The following STX7 variants were observed in gnomAD, a reference collection of about 807,000 sequenced individuals.
STX7 encodes syntaxin-7.
In STX7, 34 loss-of-function variants were observed where a neutral mutation model predicts 39.6. The observed-to-expected ratio is 0.86, with a 90% CI of 0.65 to 1.14. STX7 has a LOEUF of 1.14. Ranked by LOEUF, STX7 falls within the 50% of genes most tolerant of loss-of-function variation. The pLI is 0.00. For synonymous variants in STX7, 119 were observed against 99.1 expected, an observed-to-expected ratio of 1.20 and a Z score of -1.19; for missense variants, 284 against 310.4, an observed-to-expected ratio of 0.92 and a Z score of 0.64.
intron 2 of STX7, among the ~76,000 whole-genome samples, chr6:132,497,954 A>G (rs1192708794): frequency 6.6e-6 from 1 of 152,188 alleles, no homozygotes; most frequent in African/African-American, 2.4e-5. Flanking sequence ...TGTGATAACA[A>G]ACGATTTTGT....
At chr6:132,499,522 A>C (rs1157135322) in intron 2 of STX7, among the ~76,000 whole-genome samples, 1 of 152,210 alleles carries the variant, frequency 6.6e-6, no homozygotes, top group Non-Finnish European at 1.5e-5. Context: ...CAGTTTACCA[A>C]ATCCAATTAT....
chr6:132,451,819 A>T lies in STX7; in HGVS notation c.*8939T>A, dbSNP rs922942296. ...CCTCCCCCAAAATCTCCAGGCCCAG[A>T]TGATTTCATTGGAAAGTTCTATCAA... On this transcript the variant is annotated 3_prime_UTR_variant, in exon 10 of 10. Coordinates refer to ENST00000367941, the MANE Select transcript of STX7 (RefSeq NM_003569.3). 6.6e-6 allele frequency: 1 copy of T among 152,198 alleles called. No individual in the cohort carries two copies. Among genetic ancestry groups the T allele is most frequent in the African/African-American group, 2.4e-5 (1 of 41,450 alleles). The allele number at this position is 152,198 out of a possible 1,614,324, so 9.4% of individuals were successfully genotyped here.
At chr6:132,461,252 T>TGAGTTC (rs1228562422) in intron 9 of STX7, among the ~76,000 whole-genome samples, 1 of 152,168 alleles carries the variant, frequency 6.6e-6, no homozygotes, top group Non-Finnish European at 1.5e-5. Context: ...TTCTTAAAAA[T>TGAGTTC]GAGTTCTCTG....
rs1390425169 is a variant in STX7 at position 132,455,508 on chromosome 6, G to A, written c.*5250C>T. ...CAATTCAGTTCTAGAAAACTCCCTC[G>A]TCAACAAGTAGAGGTGTTGTGCGTG... On this transcript the variant is annotated 3_prime_UTR_variant, in exon 10 of 10. Coordinates refer to ENST00000367941, the MANE Select transcript of STX7 (RefSeq NM_003569.3). 2.0e-5 allele frequency: 3 copies of A among 152,186 alleles called. No homozygotes were observed. The highest frequency in any genetic ancestry group is 1.9e-4 in the East Asian group (1 of 5,184). The allele number at this position is 152,186 out of a possible 1,614,324, so 9.4% of individuals were successfully genotyped here. A position where few individuals can be genotyped will look rare whatever the true frequency, so the allele number is the denominator to read the frequency against.
At chr6:132,476,134 T>C (rs1008294925) in intron 2 of STX7, among the ~76,000 whole-genome samples, 1 of 152,158 alleles carries the variant, frequency 6.6e-6, no homozygotes, top group Non-Finnish European at 1.5e-5. Flanking sequence ...CATCAAAAAA[T>C]GCTAAAATCA....
chr6:132,503,410 A>T (rs750832981), intron 2 of STX7, 36 bp downstream of exon 2: 1 of 1,558,702 alleles, frequency 6.4e-7, no homozygotes, highest in Non-Finnish European at 8.8e-7. Flanking sequence ...TTAAGAGTGG[A>T]TACAAATAGT....
At chr6:132,494,538 G>A (rs1775375676) in intron 2 of STX7, among the ~76,000 whole-genome samples, 1 of 152,194 alleles carries the variant, frequency 6.6e-6, no homozygotes, top group Non-Finnish European at 1.5e-5. Flanking sequence ...CTGAATGCCA[G>A]AAAGAAACCA....
Position 132,454,072 on chromosome 6 carries a change from T to G in STX7, c.*6686A>C, listed in dbSNP as rs78418213. On this transcript the variant is annotated 3_prime_UTR_variant, in exon 10 of 10. Transcript: ENST00000367941. ...AACAAACTGTGGTACATCTATACTA[T>G]GGGATTCTATTCACACTAAAAAGTA... 6.6e-6 allele frequency: 1 copy of G among 152,060 alleles called. No homozygotes were observed. The highest frequency in any genetic ancestry group is 1.5e-5 in the Non-Finnish European group (1 of 67,984). 9.4% of individuals were successfully genotyped at this position (152,060 alleles called of 1,614,324 possible).
At position 132,502,384 on chromosome 6, in the gene STX7, GC is replaced by G. The variant is rs1469944193; in HGVS notation, c.85+1061del. ...CGAAGGATGAAAGAGTTCAGGTAAT[GC>G]CCCGAGGGCCAAACCCTGAGAGCAA... On this transcript the variant is annotated intron_variant, in intron 2 of 9. Transcript: ENST00000367941. Among the ~76,000 whole-genome samples, 8 of 152,256 alleles carry G rather than the reference GC, an allele frequency of 5.3e-5. No homozygotes were observed. In the East Asian group the frequency reaches 9.7e-4, roughly 18 times the overall value.
At chr6:132,487,508 G>A (rs1775169545) in intron 2 of STX7, among the ~76,000 whole-genome samples, 1 of 152,110 alleles carries the variant, frequency 6.6e-6, no homozygotes, top group Non-Finnish European at 1.5e-5. Flanking sequence ...GAGAGCATTA[G>A]GACAAATACC....
chr6:132,483,649 T>C (rs889923742), intron 2 of STX7, among the ~76,000 whole-genome samples: 1 of 152,198 alleles, frequency 6.6e-6, no homozygotes, highest in African/African-American at 2.4e-5. Context: ...AAAAATATTG[T>C]TAGCACTCTA....
chr6:132,487,111 G>A (rs957552118), intron 2 of STX7, among the ~76,000 whole-genome samples: 3 of 152,186 alleles, frequency 2.0e-5, no homozygotes, highest in African/African-American at 7.2e-5. Context: ...GAAGATATTT[G>A]AGTCTGGTTC....
chr6:132,483,118 G>A (rs1000174429), intron 2 of STX7, among the ~76,000 whole-genome samples: 1 of 152,106 alleles, frequency 6.6e-6, no homozygotes, highest in Admixed American at 6.5e-5. Context: ...TGAATGTACT[G>A]TCATCCTTCA....
At chr6:132,473,517 G>GTTTTTTTTTTTTTTTTTTTT (rs752590497) in intron 3 of STX7, among the ~76,000 whole-genome samples, 5 of 125,784 alleles carry the variant, frequency 4.0e-5, no homozygotes, top group Admixed American at 7.9e-5. Context: ...TTATTATTGT[G>GTTTTTTTTTTTTTTTTTTTT]TTGTTTTTTT....
chr6:132,482,126 C>T (rs371114537), intron 2 of STX7, among the ~76,000 whole-genome samples: 18 of 152,082 alleles, frequency 1.2e-4, no homozygotes, highest in Non-Finnish European at 2.4e-4. Flanking sequence ...TCAAAACGTA[C>T]GTAAGAAATA....
In STX7 at chr6:132,455,530, CGT is replaced by C. The variant is rs1270270563; in HGVS notation, c.*5226_*5227del. Reference sequence around the variant, plus strand: ...CTCGTCAACAAGTAGAGGTGTTGTGCGTGTAACGACTGGACAGGAAATCTGGT... The same window carrying C: ...CTCGTCAACAAGTAGAGGTGTTGTGCGTAACGACTGGACAGGAAATCTGGT... On this transcript the variant is annotated 3_prime_UTR_variant, in exon 10 of 10. Transcript: ENST00000367941. 1.3e-5 allele frequency: 2 copies of C among 152,278 alleles called. No individual in the cohort carries two copies. The highest frequency in any genetic ancestry group is 4.8e-5 in the African/African-American group (2 of 41,554). 9.4% of individuals were successfully genotyped at this position (152,278 alleles called of 1,614,324 possible).
At chr6:132,476,200 A>G (rs990891633) in intron 2 of STX7, among the ~76,000 whole-genome samples, 2 of 152,218 alleles carry the variant, frequency 1.3e-5, no homozygotes, top group East Asian at 3.8e-4. Context: ...ATTACAAAAG[A>G]TATAACTTTA....
In STX7 at chr6:132,509,482, CA is replaced by C. The variant is rs1562343617; in HGVS notation, c.-59+3524del. Among the ~76,000 whole-genome samples, 64 of 127,998 alleles carry C rather than the reference CA, an allele frequency of 5.0e-4. 3 individuals are homozygous for C. Among genetic ancestry groups the C allele is most frequent in the Admixed American group, 7.7e-4 (10 of 12,998 alleles). The allele number at this position is 127,998 out of a possible 152,430, so 84.0% of individuals were successfully genotyped here. A position where few individuals can be genotyped will look rare whatever the true frequency, so the allele number is the denominator to read the frequency against. ...CATAACATAACATAACATAACATAA[CA>C]TAACATAACATAACATAACATAACA... On this transcript the variant is annotated intron_variant, in intron 1 of 9. Coordinates refer to ENST00000367941, the MANE Select transcript of STX7 (RefSeq NM_003569.3).
intron 7 of STX7, among the ~76,000 whole-genome samples, chr6:132,468,908 TA>T (rs978057868): frequency 6.6e-6 from 1 of 152,198 alleles, no homozygotes; most frequent in Non-Finnish European, 1.5e-5. Context: ...AATAAAACAT[TA>T]GGTGTAAATT....
Sources: gnomAD v4.1 joint callset for allele counts (sites outside exome capture counted in the v4.1 genomes callset) on GRCh38, gnomAD v4.1.1 for gene constraint, MANE v1.5 for transcripts, NCBI Gene and HGNC (gene_info 2026-07-23, HGNC 2026-07-21) for gene names.